TJP1: variants seen among roughly 807,000 people sequenced by gnomAD.
TJP1 encodes the protein tight junction protein 1, also known as tight junction protein ZO-1.
Under a neutral mutation model 194.2 loss-of-function variants are expected in TJP1, and 43 were observed. That is an observed-to-expected ratio of 0.22 (90% CI 0.17 to 0.29). TJP1 has a LOEUF of 0.29. Among genes scored for constraint, TJP1 ranks in the 10% least tolerant of loss-of-function variants. TJP1 has a pLI of 1.00. For missense variants in TJP1, 1,971 were observed against 2,185.7 expected (o/e 0.90, Z 1.96); for synonymous variants, 801 against 779.0 (o/e 1.03, Z -0.47).
intron 2 of TJP1, among the ~76,000 whole-genome samples, chr15:29,799,313 T>G (rs530548132): frequency 5.9e-5 from 9 of 152,140 alleles, no homozygotes; most frequent in Admixed American, 5.9e-4. Flanking sequence ...AGGAAGGCCA[T>G]GTTGCAGGTT....
intron 2 of TJP1, among the ~76,000 whole-genome samples, chr15:29,899,609 C>G (rs2053576894): frequency 6.6e-6 from 1 of 152,190 alleles, no homozygotes; most frequent in Non-Finnish European, 1.5e-5. Context: ...GAACCCCAAC[C>G]TCATCTTCAG....
intron 2 of TJP1, among the ~76,000 whole-genome samples, chr15:29,894,169 G>A (rs2053403322): frequency 6.6e-6 from 1 of 152,136 alleles, no homozygotes; most frequent in African/African-American, 2.4e-5. Flanking sequence ...TTTAAAATAT[G>A]CAAAATTGGC....
In TJP1 at chr15:29,708,576, A is replaced by G; in HGVS notation, c.4833T>C (p.Pro1611=). Residue 1611 remains proline, a synonymous_variant, in exon 25 of 28, where the codon CCT becomes CCC. Coordinates refer to ENST00000614355, the MANE Select transcript of TJP1 (RefSeq NM_001330239.4). ...AGTCTTACCTCACAGGAATAGCTTT[A>G]GGCACTGTGCTGATATTATTTATTT... The part of the protein sequence containing the change: ...KYQINNISTV[P]KAIPVSPSAV... 1 of 1,610,134 alleles carries G rather than the reference A, an allele frequency of 6.2e-7. No individual in the cohort carries two copies. Among genetic ancestry groups the G allele is most frequent in the Non-Finnish European group, 8.5e-7 (1 of 1,176,514 alleles).
chr15:29,945,803 A>G (rs28478945), intron 2 of TJP1, among the ~76,000 whole-genome samples: 79 of 94,362 alleles, frequency 8.4e-4, no homozygotes, highest in Non-Finnish European at 1.1e-3. Flanking sequence ...ACACACACGC[A>G]CACACACAGA....
rs549821919 is a variant in TJP1 at position 29,714,135 on chromosome 15, C to A, written c.4202+2476G>T. Among the ~76,000 whole-genome samples the A allele has an allele frequency of 3.3e-5, 5 of 152,314 alleles. No homozygotes were observed. In the South Asian group the frequency reaches 1.0e-3, roughly 32 times the overall value. On this transcript the variant is annotated intron_variant, in intron 23 of 27. Transcript: ENST00000614355. ...TGTTCTACACCCTAAAGTTATACAT[C>A]ACAAATAAGCTAAGTCTTCTTTCTA...
chr15:29,726,011 T>C (rs578035282), intron 18 of TJP1, among the ~76,000 whole-genome samples: 1 of 152,250 alleles, frequency 6.6e-6, no homozygotes, highest in South Asian at 2.1e-4. Flanking sequence ...CTTTGGGAGA[T>C]GCTCATCTAG....
chr15:29,844,658 A>T (rs1366673405), intron 2 of TJP1, among the ~76,000 whole-genome samples: 1 of 152,112 alleles, frequency 6.6e-6, no homozygotes, highest in Non-Finnish European at 1.5e-5. Flanking sequence ...GATGGTAAAG[A>T]CTTCTGGAAA....
At chr15:29,895,495 T>G (rs905759432) in intron 2 of TJP1, among the ~76,000 whole-genome samples, 1 of 152,218 alleles carries the variant, frequency 6.6e-6, no homozygotes, top group Non-Finnish European at 1.5e-5. Context: ...TCTAATAACA[T>G]GTTCCTCATT....
intron 2 of TJP1, among the ~76,000 whole-genome samples, chr15:29,859,573 C>A (rs2051994767): frequency 6.6e-6 from 1 of 152,166 alleles, no homozygotes; most frequent in African/African-American, 2.4e-5. Flanking sequence ...CCCACAGCTC[C>A]TGTCAGGAAG....
chr15:29,828,735 C>CT (rs60018975), intron 2 of TJP1, among the ~76,000 whole-genome samples: 11,950 of 133,164 alleles, frequency 0.09, 529 homozygotes, highest in East Asian at 0.11. Context: ...TGAATTGAGT[C>CT]TTTTTTTTTT....
chr15:29,949,631 T>A (rs1290228988), intron 2 of TJP1, among the ~76,000 whole-genome samples: 458 of 20,104 alleles, frequency 0.023, 2 homozygotes, highest in Middle Eastern at 0.067. Flanking sequence ...CACCTCCACC[T>A]CCACCACCTC....
chr15:29,718,112 C>T lies in TJP1; in HGVS notation c.3883G>A (p.Glu1295Lys), dbSNP rs751314488. Reference sequence around the variant, plus strand: ...GCACCTGAAGGTTTAGATGCTACTTCTGGAGGCTGTTTAAAAAAAAAAAAA... The same window carrying T: ...GCACCTGAAGGTTTAGATGCTACTTTTGGAGGCTGTTTAAAAAAAAAAAAA... ...VNDTGSFKPPEVASKPSGAPI... is the reference protein window; with the variant it reads ...VNDTGSFKPPKVASKPSGAPI... Residue 1295 changes from glutamate to lysine, a missense_variant, in exon 22 of 28, where the codon GAA (glutamate) becomes AAA (lysine). Around this residue, in one of 5 missense-constraint regions of TJP1, gnomAD observed 1,108 missense variants for 1,128.5 expected, o/e 0.98. Coordinates refer to ENST00000614355, the MANE Select transcript of TJP1 (RefSeq NM_001330239.4). The T allele has an allele frequency of 1.3e-6, 2 of 1,535,704 alleles. No individual in the cohort carries two copies. The highest frequency in any genetic ancestry group is 1.8e-6 in the Non-Finnish European group (2 of 1,132,778).
At chr15:29,792,590 C>CA (rs1478716800) in intron 2 of TJP1, among the ~76,000 whole-genome samples, 1 of 152,130 alleles carries the variant, frequency 6.6e-6, no homozygotes, top group Non-Finnish European at 1.5e-5. Flanking sequence ...TGTGGTTCCA[C>CA]AAAAATTTTA....
rs397784364 is a variant in TJP1, at chr15:29,745,317, A to AAAC, written c.1011-2537_1011-2536insGTT. Among the ~76,000 whole-genome samples the AAAC allele has an allele frequency of 7.1e-4, 107 of 150,648 alleles. 1 individual carries two copies. The highest frequency in any genetic ancestry group is 2.5e-3 in the African/African-American group (103 of 40,576). On this transcript the variant is annotated intron_variant, in intron 8 of 27. Transcript: ENST00000614355. ...CCAAAATATTGAAAAAAAAAAAAAA[A>AAAC]CTTAATGAATATTAAAGACTACTGA...
At chr15:29,774,325 A>G (rs2046878225) in intron 2 of TJP1, among the ~76,000 whole-genome samples, 1 of 152,040 alleles carries the variant, frequency 6.6e-6, no homozygotes, top group African/African-American at 2.4e-5. Flanking sequence ...AAAAAAAAAA[A>G]TCTTCTTAAA....
intron 2 of TJP1, among the ~76,000 whole-genome samples, chr15:29,904,274 G>A (rs74406690): frequency 0.029 from 4,457 of 152,192 alleles, 100 homozygotes; most frequent in Non-Finnish European, 0.044. Context: ...ATGAGACCAG[G>A]TGGATACAGA....
At chr15:29,938,118 T>C (rs1366757462) in intron 2 of TJP1, among the ~76,000 whole-genome samples, 1 of 152,098 alleles carries the variant, frequency 6.6e-6, no homozygotes, top group Non-Finnish European at 1.5e-5. Flanking sequence ...TTAAAACAGG[T>C]TTTTAAAATG....
intron 2 of TJP1, among the ~76,000 whole-genome samples, chr15:29,905,984 A>G (rs536086871): frequency 6.6e-6 from 1 of 152,348 alleles, no homozygotes; most frequent in Middle Eastern, 3.4e-3. Flanking sequence ...CAGAATGCCA[A>G]GAGTGAACCC....
At chr15:29,808,307 A>G (rs1401040858) in intron 1 of TJP1, among the ~76,000 whole-genome samples, 2 of 152,154 alleles carry the variant, frequency 1.3e-5, no homozygotes, top group Non-Finnish European at 2.9e-5. Context: ...AGTGATCTAC[A>G]CTGTTAGAAG....
Sources: allele counts gnomAD v4.1 joint callset (sites outside exome capture counted in the v4.1 genomes callset), GRCh38; gene constraint gnomAD v4.1.1; regional missense constraint gnomAD v4.1.1; transcripts MANE v1.5; gene names NCBI Gene and HGNC (gene_info 2026-07-23, HGNC 2026-07-21).